The following RTF1 variants were observed in gnomAD, a reference collection of about 807,000 sequenced individuals.
RTF1 encodes the protein RTF1 homolog, Paf1/RNA polymerase II complex component, also known as RNA polymerase-associated protein RTF1 homolog.
A neutral mutation model predicts 95.7 loss-of-function variants in RTF1; 10 were observed. The ratio of observed to expected loss-of-function variants is 0.10; its 90% CI spans 0.06 to 0.18. RTF1 has a LOEUF of 0.18. Ranked by LOEUF, RTF1 falls within the 10% of genes least tolerant of loss-of-function variation. The pLI is 1.00. For missense variants in RTF1, 458 were observed against 875.6 expected, an observed-to-expected ratio of 0.52 and a Z score of 6.02; for synonymous variants, 305 against 311.8, an observed-to-expected ratio of 0.98 and a Z score of 0.23.
chr15:41,464,992 C>T, intron 5 of RTF1, 107 bp downstream of exon 5: 1 of 1,376,154 alleles, frequency 7.3e-7, no homozygotes. Flanking sequence ...TATTAATCAG[C>T]CTAAGTTTAT....
Position 41,469,136 on chromosome 15 carries a change from T to G in RTF1, c.890-1121T>G, listed in dbSNP as rs570593375. Among the ~76,000 whole-genome samples, 6 of 152,106 alleles carry G rather than the reference T, an allele frequency of 3.9e-5. No homozygotes were observed. The East Asian group carries it at 1.2e-3, about 29-fold the overall frequency. On this transcript the variant is annotated intron_variant, in intron 6 of 17. Coordinates refer to ENST00000389629, the MANE Select transcript of RTF1 (RefSeq NM_015138.5). ...TGCGTGCACCACCACCTAATTTTGTTTTGTATTTTTAGTAGAGATGGGGTT... is the reference window on the plus strand; with the variant it reads ...TGCGTGCACCACCACCTAATTTTGTGTTGTATTTTTAGTAGAGATGGGGTT...
At chr15:41,428,295 T>G in intron 1 of RTF1, among the ~76,000 whole-genome samples, 2 of 125,066 alleles carry the variant, frequency 1.6e-5, no homozygotes, top group African/African-American at 6.6e-5. Context: ...TGAGATGGAG[T>G]CTCGCTTTGT....
intron 2 of RTF1, chr15:41,448,705 C>G (rs1266909784): frequency 6.6e-6 from 1 of 151,594 alleles, no homozygotes; most frequent in East Asian, 1.9e-4. Context: ...GGTGACAGAG[C>G]GAGACTCCAT....
chr15:41,457,600 C>A, intron 3 of RTF1, 72 bp from the exon 4 acceptor site: 1 of 1,308,528 alleles, frequency 7.6e-7, no homozygotes, highest in South Asian at 1.2e-5. Context: ...GTGATGTTGT[C>A]AACATTGTGG....
intron 14 of RTF1, 33 bp from the exon 15 acceptor site, chr15:41,478,515 G>A: frequency 1.3e-6 from 2 of 1,555,592 alleles, no homozygotes; most frequent in Non-Finnish European, 1.8e-6. Flanking sequence ...GGGGCTGGAG[G>A]TGCAGTTCTG....
intron 8 of RTF1, 114 bp downstream of exon 8, chr15:41,471,463 T>A: frequency 9.0e-7 from 1 of 1,111,772 alleles, no homozygotes; most frequent in Non-Finnish European, 1.3e-6. Context: ...TGATGGAAAG[T>A]AGACTCCAAG....
chr15:41,477,776 T>C (rs2050949180), intron 14 of RTF1, among the ~76,000 whole-genome samples: 1 of 152,210 alleles, frequency 6.6e-6, no homozygotes, highest in Non-Finnish European at 1.5e-5. Context: ...GTTTCTTGGT[T>C]GTTTCCCCCA....
At chr15:41,476,348 T>C in intron 11 of RTF1, 98 bp from the exon 12 acceptor site, 1 of 908,044 alleles carries the variant, frequency 1.1e-6, no homozygotes, top group Non-Finnish European at 1.8e-6. Context: ...GAGCAGCCCC[T>C]TTGTAACTAG....
chr15:41,459,397 T>C (rs1271015584), intron 4 of RTF1, among the ~76,000 whole-genome samples: 2 of 152,092 alleles, frequency 1.3e-5, no homozygotes, highest in East Asian at 1.9e-4. Flanking sequence ...AGGGGAATTA[T>C]AGAGATTGTT....
At chr15:41,455,758 T>C (rs548755492) in intron 3 of RTF1, among the ~76,000 whole-genome samples, 51 of 148,382 alleles carry the variant, frequency 3.4e-4, no homozygotes, top group African/African-American at 1.1e-3. Flanking sequence ...GATCAGGCAA[T>C]AGAGTGAGAC....
chr15:41,480,620 C>G lies in RTF1; in HGVS notation c.2066C>G (p.Ala689Gly). The change falls in exon 18 of 18, where the codon GCC (alanine) becomes GGC (glycine). Residue 689 changes from alanine to glycine, a missense_variant. Transcript: ENST00000389629. Reference sequence around the variant, plus strand: ...GCCATCACCTCCAAGGCTCCGCCAGCCAAGGATGGGGCTCCAAGGAGATCT... The same window carrying G: ...GCCATCACCTCCAAGGCTCCGCCAGGCAAGGATGGGGCTCCAAGGAGATCT... Reference protein sequence around the residue: ...ALAITSKAPPAKDGAPRRSLN... With the variant: ...ALAITSKAPPGKDGAPRRSLN... 6.2e-7 allele frequency: 1 copy of G among 1,614,186 alleles called. No homozygotes were observed. Among genetic ancestry groups the G allele is most frequent in the East Asian group, 2.2e-5 (1 of 44,870 alleles).
intron 12 of RTF1, 130 bp downstream of exon 12, chr15:41,476,653 G>A (rs2140656435): frequency 1.3e-6 from 1 of 791,112 alleles, no homozygotes. Context: ...AAGCAACACA[G>A]TGTGTTCTTG....
At chr15:41,446,481 G>T (rs2050763400) in intron 2 of RTF1, among the ~76,000 whole-genome samples, 1 of 151,986 alleles carries the variant, frequency 6.6e-6, no homozygotes, top group Admixed American at 6.6e-5. Context: ...CAGGAGAATC[G>T]CTTGAACCCA....
intron 2 of RTF1, among the ~76,000 whole-genome samples, chr15:41,443,386 C>T (rs1372640796): frequency 6.6e-6 from 1 of 152,116 alleles, no homozygotes; most frequent in Non-Finnish European, 1.5e-5. Flanking sequence ...TCTGGAGGCA[C>T]ATGTAAAACT....
intron 11 of RTF1, 131 bp downstream of exon 11, chr15:41,475,950 T>A (rs2050939962): frequency 1.7e-6 from 1 of 593,796 alleles, no homozygotes; most frequent in African/African-American, 1.9e-5. Flanking sequence ...CTAATATTAC[T>A]ACCTGATTAT....
chr15:41,453,706 G>A (rs1006086192), intron 3 of RTF1, among the ~76,000 whole-genome samples: 34 of 150,074 alleles, frequency 2.3e-4, no homozygotes, highest in Non-Finnish European at 4.1e-4. Flanking sequence ...CAGTGACAGA[G>A]CAAGACCCTT....
intron 8 of RTF1, among the ~76,000 whole-genome samples, chr15:41,471,573 A>T (rs1468727192): frequency 1.3e-5 from 2 of 152,214 alleles, no homozygotes; most frequent in Non-Finnish European, 2.9e-5. Context: ...TGGATGTAGA[A>T]TAATTTTCTC....
chr15:41,421,366 G>T (rs1595421343), intron 1 of RTF1, among the ~76,000 whole-genome samples: 1 of 151,886 alleles, frequency 6.6e-6, no homozygotes, highest in East Asian at 1.9e-4. Flanking sequence ...TGAGGCAGGA[G>T]AATCACTTGA....
rs397854563 is a variant in RTF1 at position 41,482,533 on chromosome 15, CTTTTTT to C, written c.*1850_*1855del. ...CTCAGTGTCGCTTTAACTTAGTTTACTTTTTTTTTATTTTTAAAGCAGCAATGGATG... is the reference window on the plus strand; with the variant it reads ...CTCAGTGTCGCTTTAACTTAGTTTACTTTATTTTTAAAGCAGCAATGGATG... On this transcript the variant is annotated 3_prime_UTR_variant, in exon 18 of 18. Coordinates refer to ENST00000389629, the MANE Select transcript of RTF1 (RefSeq NM_015138.5). 1.7e-4 allele frequency: 25 copies of C among 151,492 alleles called. No homozygotes were observed. Among genetic ancestry groups the C allele is most frequent in the Non-Finnish European group, 1.9e-4 (13 of 67,812 alleles). The allele number at this position is 151,492 out of a possible 1,614,324, so 9.4% of individuals were successfully genotyped here. A position where few individuals can be genotyped will look rare whatever the true frequency, so the allele number is the denominator to read the frequency against.
Sources: allele counts gnomAD v4.1 joint callset (sites outside exome capture counted in the v4.1 genomes callset), GRCh38; gene constraint gnomAD v4.1.1; transcripts MANE v1.5; gene names NCBI Gene and HGNC (gene_info 2026-07-23, HGNC 2026-07-21).